Variants in FGF13 observed in about 807,000 individuals in gnomAD.
FGF13 encodes the protein fibroblast growth factor 13.
FGF13 carries 2 observed loss-of-function variants against 19.5 expected under a neutral mutation model. That is an observed-to-expected ratio of 0.10 (90% CI 0.04 to 0.32). FGF13 has a LOEUF of 0.32. Among genes scored for constraint, FGF13 ranks in the 10% least tolerant of loss-of-function variants. The pLI, the probability that FGF13 is intolerant of heterozygous loss-of-function variation, is 1.00. For missense variants in FGF13, 113 were observed against 192.7 expected (o/e 0.59, Z 2.45); for synonymous variants, 72 against 76.9 (o/e 0.94, Z 0.33).
chrX:138,807,842 A>AAAG lies in FGF13; in HGVS notation c.217+49667_217+49669dup, dbSNP rs759245749. 1.1e-3 allele frequency among the ~76,000 whole-genome samples: 126 copies of AAAG among 111,623 alleles called. 1 individual carries two copies. The highest frequency in any genetic ancestry group is 2.2e-3 in the Non-Finnish European group (114 of 52,963). On this transcript the variant is annotated intron_variant, in intron 3 of 6. Coordinates refer to the FGF13 transcript ENST00000436198. ...TAAACCAACAAAGATCAAAAGAGAC[A>AAAG]AAGGCCATTACATAATGGTAAAGGA...
chrX:138,896,887 T>C (rs1278366509), intron 1 of FGF13, among the ~76,000 whole-genome samples: 2 of 111,739 alleles, frequency 1.8e-5, no homozygotes, highest in Non-Finnish European at 3.8e-5. Flanking sequence ...GACAGAAAAG[T>C]AATGAGATCA....
At chrX:138,775,026 C>A (rs2090577858) in intron 3 of FGF13, among the ~76,000 whole-genome samples, 2 of 112,550 alleles carry the variant, frequency 1.8e-5, no homozygotes, top group Admixed American at 1.9e-4. Context: ...GTGGTGCAAT[C>A]TTGGCTCACT....
At chrX:139,187,798 T>C (rs1444170222) in intron 1 of FGF13, among the ~76,000 whole-genome samples, 1 of 112,011 alleles carries the variant, frequency 8.9e-6, no homozygotes, top group Non-Finnish European at 1.9e-5. Flanking sequence ...TGCTTAAAAA[T>C]TGGAATCAAT....
intron 1 of FGF13, among the ~76,000 whole-genome samples, chrX:139,085,036 G>A (rs192768752): frequency 4.0e-4 from 45 of 111,785 alleles, no homozygotes; most frequent in Admixed American, 1.0e-3. Flanking sequence ...TACACTTACA[G>A]TTCCACAGAA....
At chrX:138,865,452 TCTCTCTCTCTCTCTCTCTCTC>T (rs1358281983) in intron 1 of FGF13, among the ~76,000 whole-genome samples, 3 of 89,775 alleles carry the variant, frequency 3.3e-5, no homozygotes, top group African/African-American at 1.6e-4. Flanking sequence ...CTCTCTCTCC[TCTCTCTCTCTCTCTCTCTCTC>T]CTCTCTCTCT....
chrX:138,958,315 T>C (rs188066175), intron 1 of FGF13, among the ~76,000 whole-genome samples: 81 of 112,100 alleles, frequency 7.2e-4, no homozygotes, highest in African/African-American at 2.6e-3. Flanking sequence ...TCTGTTTATA[T>C]GATGGACTAC....
chrX:138,968,644 A>G lies in FGF13; in HGVS notation c.-112-103994T>C, dbSNP rs932947236. On this transcript the variant is annotated intron_variant, in intron 1 of 2. Transcript: ENST00000421460. ...CGAGGGAGGGTTCTGACATGCAAAT[A>G]ATGAGAAACAACAGCAAAGCAGAAG... Among the ~76,000 whole-genome samples, 3 of 112,227 alleles carry G rather than the reference A, an allele frequency of 2.7e-5. No individual in the cohort carries two copies. In the Admixed American group the frequency reaches 2.8e-4, roughly 11 times the overall value.
intron 1 of FGF13, among the ~76,000 whole-genome samples, chrX:139,067,268 G>A (rs2092360140): frequency 9.0e-6 from 1 of 111,454 alleles, no homozygotes; most frequent in African/African-American, 3.3e-5. Context: ...ACATAGTATT[G>A]GAAGTTCTGG....
chrX:138,851,241 T>C (rs988622574), intron 3 of FGF13, among the ~76,000 whole-genome samples: 1 of 111,922 alleles, frequency 8.9e-6, no homozygotes, highest in African/African-American at 3.2e-5. Flanking sequence ...TTATATTCCT[T>C]TAAGTATACA....
chrX:138,635,319 C>T, intron 4 of FGF13, 138 bp downstream of exon 4: 1 of 574,136 alleles, frequency 1.7e-6, no homozygotes, highest in African/African-American at 2.3e-5. Flanking sequence ...GATGAGTGCA[C>T]CAAAATTTCA....
intron 1 of FGF13, among the ~76,000 whole-genome samples, chrX:138,874,228 C>T (rs1449548814): frequency 9.4e-6 from 1 of 106,706 alleles, no homozygotes; most frequent in Admixed American, 1.0e-4. Flanking sequence ...CTAAGGACAG[C>T]TCTCTGCGTC....
chrX:139,162,199 A>AGT (rs1274268534), intron 1 of FGF13, among the ~76,000 whole-genome samples: 7 of 112,264 alleles, frequency 6.2e-5, no homozygotes, highest in East Asian at 2.8e-4. Context: ...ACAAAAACAG[A>AGT]TATAAAGACC....
At chrX:138,805,975 C>G (rs2124011015) in intron 3 of FGF13, among the ~76,000 whole-genome samples, 1 of 111,176 alleles carries the variant, frequency 9.0e-6, no homozygotes, top group African/African-American at 3.3e-5. Context: ...TCTTTGTGAC[C>G]CTAGGATGAA....
intron 1 of FGF13, among the ~76,000 whole-genome samples, chrX:139,069,809 G>C (rs1033024827): frequency 1.8e-5 from 2 of 111,089 alleles, no homozygotes; most frequent in Non-Finnish European, 3.8e-5. Flanking sequence ...CAGAACAGAG[G>C]CCTCAGAAAT....
chrX:138,906,575 A>G (rs7059725), intron 1 of FGF13, among the ~76,000 whole-genome samples: 9,100 of 111,597 alleles, frequency 0.082, 933 homozygotes, highest in African/African-American at 0.28. Context: ...AGCGATACGT[A>G]CAGGAAAGAA....
At chrX:139,151,741 A>G (rs1218456326) in intron 1 of FGF13, among the ~76,000 whole-genome samples, 1 of 112,211 alleles carries the variant, frequency 8.9e-6, no homozygotes, top group African/African-American at 3.2e-5. Flanking sequence ...AAGTAAATAA[A>G]TTAAATTAAA....
chrX:138,803,364 G>A (rs1467986815), intron 3 of FGF13, among the ~76,000 whole-genome samples: 1 of 112,229 alleles, frequency 8.9e-6, no homozygotes. Flanking sequence ...CCTTCCATTA[G>A]CTAACAGGGC....
At position 138,632,950 on chromosome X, in the gene FGF13, G is replaced by A. The variant is rs2089137152; in HGVS notation, c.638C>T (p.Thr213Met). 2.5e-6 allele frequency: 3 copies of A among 1,210,442 alleles called. No homozygotes were observed. The highest frequency in any genetic ancestry group is 3.4e-6 in the Non-Finnish European group (3 of 894,906). Residue 213 changes from threonine to methionine, a missense_variant, in exon 5 of 5, where the codon ACG becomes ATG. By Grantham distance (81) the Thr-to-Met change is moderately conservative. Around this residue, in one of 4 missense-constraint regions of FGF13, gnomAD observed 43 missense variants for 41.4 expected, o/e 1.04. Coordinates refer to ENST00000315930, the MANE Select transcript of FGF13 (RefSeq NM_004114.5). Reference protein sequence around the residue: ...MYKEPSLHDLTEFSRSGSGTP... With the variant: ...MYKEPSLHDLMEFSRSGSGTP... ...CCCGCTTCCAGATCGGGAGAACTCC[G>A]TGAGATCGTGCAGTGATGGCTCCTT...
chrX:139,100,055 C>CACACACACACAT (rs1160841808), intron 1 of FGF13, among the ~76,000 whole-genome samples: 13 of 103,728 alleles, frequency 1.3e-4, no homozygotes, highest in African/African-American at 4.9e-4. Context: ...CACACACACA[C>CACACACACACAT]ACACACACAC....
Sources: allele counts gnomAD v4.1 joint callset (sites outside exome capture counted in the v4.1 genomes callset), GRCh38; gene constraint gnomAD v4.1.1; regional missense constraint gnomAD v4.1.1; transcripts MANE v1.5; gene names NCBI Gene and HGNC (gene_info 2026-07-23, HGNC 2026-07-21).